Variants in IL1RAPL1 observed in about 807,000 individuals in gnomAD.
IL1RAPL1 encodes interleukin-1 receptor accessory protein-like 1.
A neutral mutation model predicts 48.4 loss-of-function variants in IL1RAPL1; 3 were observed. The ratio of observed to expected loss-of-function variants is 0.06; its 90% confidence interval spans 0.03 to 0.16. The LOEUF (loss-of-function observed/expected upper bound fraction) is 0.16. Ranked by LOEUF, IL1RAPL1 falls within the 10% of genes least tolerant of loss-of-function variation. The pLI is 1.00. For missense variants in IL1RAPL1, 349 were observed against 530.6 expected, an observed-to-expected ratio of 0.66 and a Z score of 3.36; for synonymous variants, 185 against 187.7, an observed-to-expected ratio of 0.99 and a Z score of 0.12.
intron 5 of IL1RAPL1, among the ~76,000 whole-genome samples, chrX:29,522,253 A>G (rs886692354): frequency 3.6e-5 from 4 of 111,213 alleles, no homozygotes; most frequent in African/African-American, 1.3e-4. Context: ...TCTGCCTCCC[A>G]GGCTCAGGCA....
intron 1 of IL1RAPL1, among the ~76,000 whole-genome samples, chrX:28,779,628 GTGTGTGTATATATA>G (rs1352502943): frequency 1.4e-4 from 8 of 56,235 alleles, no homozygotes; most frequent in African/African-American, 5.8e-4. Flanking sequence ...ATGTGTGTGT[GTGTGTGTATATATA>G]TATATATATA....
intron 6 of IL1RAPL1, among the ~76,000 whole-genome samples, chrX:29,850,673 G>T (rs1931346811): frequency 8.9e-6 from 1 of 112,382 alleles, no homozygotes; most frequent in African/African-American, 3.2e-5. Context: ...GCTGCTCGTG[G>T]GGACAGTGTT....
intron 5 of IL1RAPL1, among the ~76,000 whole-genome samples, chrX:29,543,137 C>CTCTCTT (rs1367800953): frequency 2.6e-4 from 28 of 109,376 alleles, no homozygotes; most frequent in African/African-American, 9.0e-4. Context: ...CTCTCTCTCT[C>CTCTCTT]TCTCTCTCTC....
intron 1 of IL1RAPL1, among the ~76,000 whole-genome samples, chrX:28,642,990 G>A (rs1234723304): frequency 1.8e-5 from 2 of 110,763 alleles, no homozygotes; most frequent in East Asian, 2.9e-4. Flanking sequence ...CCAGGTTCAA[G>A]TGATTCTCCT....
At chrX:29,943,669 T>C (rs756550271) in intron 9 of IL1RAPL1, among the ~76,000 whole-genome samples, 1 of 112,514 alleles carries the variant, frequency 8.9e-6, no homozygotes, top group East Asian at 2.8e-4. Context: ...CTGTTTTGAA[T>C]ATGTTTATTT....
intron 5 of IL1RAPL1, among the ~76,000 whole-genome samples, chrX:29,570,246 C>T (rs1157119052): frequency 8.9e-6 from 1 of 112,265 alleles, no homozygotes; most frequent in African/African-American, 3.2e-5. Context: ...GAGAATTGTT[C>T]GTACATCTAC....
intron 2 of IL1RAPL1, among the ~76,000 whole-genome samples, chrX:29,009,191 T>G (rs977818906): frequency 9.0e-6 from 1 of 111,210 alleles, no homozygotes; most frequent in African/African-American, 3.3e-5. Flanking sequence ...CACGAGCTCC[T>G]TCTTGAGGGG....
intron 6 of IL1RAPL1, among the ~76,000 whole-genome samples, chrX:29,693,062 C>A (rs141762772): frequency 0.033 from 3,653 of 112,067 alleles, 156 homozygotes; most frequent in African/African-American, 0.11. Flanking sequence ...TGGTGTCCTG[C>A]AGTGCAGAGA....
At chrX:29,872,454 A>C (rs780736727) in intron 6 of IL1RAPL1, among the ~76,000 whole-genome samples, 1 of 111,529 alleles carries the variant, frequency 9.0e-6, no homozygotes. Flanking sequence ...TGTCTCCCCC[A>C]AAATTCATAT....
intron 2 of IL1RAPL1, among the ~76,000 whole-genome samples, chrX:29,107,787 C>T (rs1427095196): frequency 1.8e-5 from 2 of 112,207 alleles, no homozygotes; most frequent in African/African-American, 6.5e-5. Flanking sequence ...CACAATGTTA[C>T]GTTTACTGCT....
At position 29,159,495 on chromosome X, in the gene IL1RAPL1, G is replaced by T. The variant is rs1041078206; in HGVS notation, c.83-123443G>T. On this transcript the variant is annotated intron_variant, in intron 2 of 10. Coordinates refer to ENST00000378993, the MANE Select transcript of IL1RAPL1 (RefSeq NM_014271.4). ...TGTATAAAAGATACATTATTTACCAGATCAAAGGTCAATGTGTTCATAATT... is the reference window on the plus strand; with the variant it reads ...TGTATAAAAGATACATTATTTACCATATCAAAGGTCAATGTGTTCATAATT... Among the ~76,000 whole-genome samples the T allele has an allele frequency of 3.6e-5, 4 of 111,919 alleles. No individual in the cohort carries two copies. In the East Asian group the frequency reaches 8.5e-4, roughly 24 times the overall value.
intron 2 of IL1RAPL1, among the ~76,000 whole-genome samples, chrX:29,008,861 C>A (rs1294919917): frequency 9.0e-6 from 1 of 110,908 alleles, no homozygotes; most frequent in African/African-American, 3.3e-5. Flanking sequence ...CTATTCTTTC[C>A]ATCTTTATGC....
intron 5 of IL1RAPL1, among the ~76,000 whole-genome samples, chrX:29,410,544 T>G (rs915417742): frequency 9.0e-6 from 1 of 111,695 alleles, no homozygotes; most frequent in African/African-American, 3.3e-5. Flanking sequence ...TAATTCACTA[T>G]TTTATTTCCC....
At chrX:28,889,270 A>C (rs1025333925) in intron 2 of IL1RAPL1, among the ~76,000 whole-genome samples, 3 of 111,789 alleles carry the variant, frequency 2.7e-5, no homozygotes, top group Admixed American at 9.6e-5. Context: ...GCATATTATT[A>C]CAATCCCTAA....
chrX:29,907,339 T>C (rs1453836911), intron 6 of IL1RAPL1, among the ~76,000 whole-genome samples: 1 of 99,610 alleles, frequency 1.0e-5, no homozygotes, highest in Non-Finnish European at 2.2e-5. Context: ...TTTAAATCTT[T>C]TAATCTTGCA....
At chrX:28,894,833 T>C (rs1326891578) in intron 2 of IL1RAPL1, among the ~76,000 whole-genome samples, 1 of 109,406 alleles carries the variant, frequency 9.1e-6, no homozygotes, top group Non-Finnish European at 1.9e-5. Flanking sequence ...AAGAAAGGAG[T>C]TGTTTTGTAG....
intron 5 of IL1RAPL1, among the ~76,000 whole-genome samples, chrX:29,608,820 C>T (rs1021303780): frequency 4.6e-5 from 5 of 108,953 alleles, no homozygotes; most frequent in South Asian, 4.1e-4. Context: ...AGCGAGACTC[C>T]GTCTCAAAAA....
chrX:28,873,712 T>C (rs1320448977), intron 2 of IL1RAPL1, among the ~76,000 whole-genome samples: 5 of 107,092 alleles, frequency 4.7e-5, no homozygotes, highest in African/African-American at 1.4e-4. Context: ...TTTGTATTTT[T>C]AGTAGAGACG....
chrX:28,981,405 C>T (rs901806773), intron 2 of IL1RAPL1, among the ~76,000 whole-genome samples: 2 of 110,985 alleles, frequency 1.8e-5, no homozygotes, highest in Non-Finnish European at 3.8e-5. Flanking sequence ...AAACAGTCCT[C>T]TTTCAGGACC....
Sources: gnomAD v4.1 joint callset for allele counts (sites outside exome capture counted in the v4.1 genomes callset) on GRCh38, gnomAD v4.1.1 for gene constraint, MANE v1.5 for transcripts, NCBI Gene and HGNC (gene_info 2026-07-23, HGNC 2026-07-21) for gene names.